The following RABEP1 variants were observed in gnomAD, a reference collection of about 807,000 sequenced individuals.
The protein encoded by RABEP1 is rab GTPase-binding effector protein 1.
Under a neutral mutation model 123.4 loss-of-function variants are expected in RABEP1, and 51 were observed. The observed-to-expected ratio is 0.41, with a 90% CI of 0.33 to 0.52. The LOEUF (loss-of-function observed/expected upper bound fraction) is 0.52, where lower values mean the gene tolerates loss of function less well. RABEP1 is among the 20% of genes least tolerant of loss of function. RABEP1 has a pLI of 0.16. For missense variants in RABEP1, 888 were observed against 996.3 expected (o/e 0.89, Z 1.46); for synonymous variants, 347 against 355.2 (o/e 0.98, Z 0.26).
At chr17:5,360,494 G>A (rs1321603545) in intron 8 of RABEP1, among the ~76,000 whole-genome samples, 6 of 152,226 alleles carry the variant, frequency 3.9e-5, no homozygotes, top group South Asian at 2.1e-4. Flanking sequence ...CCCGGGAGGC[G>A]GAGCTTGCAG....
At position 5,361,594 on chromosome 17, in the gene RABEP1, C is replaced by T. The variant is rs751839650; in HGVS notation, c.1482C>T (p.Thr494=). ...EETASLLSSV[T]QGMESAYVSP... ...CAGCGTCCCTCCTCTCCAGCGTTAC[C>T]CAGGGCATGGAGAGTGCCTATGTGT... The change falls in exon 9 of 18, where the codon ACC becomes ACT. Residue 494 remains threonine (T), a synonymous_variant. Transcript: ENST00000537505. The T allele has an allele frequency of 6.8e-6, 11 of 1,614,060 alleles. No homozygotes were observed. The highest frequency in any genetic ancestry group is 9.3e-6 in the Non-Finnish European group (11 of 1,180,034).
intron 2 of RABEP1, among the ~76,000 whole-genome samples, chr17:5,320,187 TA>T (rs1399566741): frequency 6.6e-6 from 1 of 152,002 alleles, no homozygotes; most frequent in Non-Finnish European, 1.5e-5. Flanking sequence ...ACAGACTTCT[TA>T]GTACAAACCA....
chr17:5,348,372 G>A (rs1407392659), intron 6 of RABEP1, among the ~76,000 whole-genome samples: 1 of 152,186 alleles, frequency 6.6e-6, no homozygotes, highest in Non-Finnish European at 1.5e-5. Context: ...TGGCATTCAA[G>A]GCCATTTGCA....
In RABEP1 at chr17:5,381,499, C is replaced by A. The variant is rs755344567; in HGVS notation, c.2481C>A (p.Thr827=). The change falls in exon 17 of 18, where the codon ACC becomes ACA. Residue 827 remains threonine, a synonymous_variant. Coordinates refer to ENST00000537505, the MANE Select transcript of RABEP1 (RefSeq NM_004703.6). ...GGGATTTTGTAAAGCTTTCACAGAC[C>A]CTTCAGGTGAGGCATTTGGGGAACC... ...VQRDFVKLSQ[T]LQVQLERIRQ... 1 of 1,612,346 alleles carries A rather than the reference C, an allele frequency of 6.2e-7. No individual in the cohort carries two copies. Among genetic ancestry groups the A allele is most frequent in the South Asian group, 1.1e-5 (1 of 90,678 alleles).
intron 1 of RABEP1, among the ~76,000 whole-genome samples, chr17:5,295,205 A>C (rs2075071200): frequency 6.6e-6 from 1 of 151,128 alleles, no homozygotes; most frequent in Non-Finnish European, 1.5e-5. Context: ...AACATGGTGA[A>C]ACCCCGTCTC....
At chr17:5,299,719 C>CTTTTCTTTTTTTTTTTTTTTTTTTTTT (rs2075116264) in intron 1 of RABEP1, among the ~76,000 whole-genome samples, 2 of 98,834 alleles carry the variant, frequency 2.0e-5, no homozygotes, top group East Asian at 5.2e-4. Flanking sequence ...TTTTTCTTTT[C>CTTTTCTTTTTTTTTTTTTTTTTTTTTT]TTTTTCTTTT....
rs201294745 is a variant in RABEP1 at position 5,361,191 on chromosome 17, G to T, written c.1096-17G>T. On this transcript the variant is annotated splice_polypyrimidine_tract_variant and intron_variant, in intron 8 of 17. Transcript: ENST00000537505. ...AGAGAATTGTCTAACTTGGCCATATGTATTTTCACATTTCAGGAGCATTTA... is the reference window on the plus strand; with the variant it reads ...AGAGAATTGTCTAACTTGGCCATATTTATTTTCACATTTCAGGAGCATTTA... 308 of 1,596,790 alleles carry T rather than the reference G, an allele frequency of 1.9e-4. No homozygotes were observed. In the East Asian group the frequency reaches 4.8e-3, roughly 25 times the overall value.
chr17:5,350,764 AAACAT>A, intron 7 of RABEP1, 135 bp downstream of exon 7: 1 of 949,028 alleles, frequency 1.1e-6, no homozygotes, highest in South Asian at 1.6e-5. Flanking sequence ...CCACTTTTAA[AAACAT>A]AACAGCTACA....
intron 7 of RABEP1, among the ~76,000 whole-genome samples, chr17:5,352,729 G>A (rs1908667324): frequency 6.6e-6 from 1 of 151,980 alleles, no homozygotes; most frequent in Non-Finnish European, 1.5e-5. Context: ...TACTTGGGAA[G>A]CTGAGGCAGG....
intron 1 of RABEP1, chr17:5,284,111 T>C (rs962959389): frequency 3.9e-5 from 6 of 152,196 alleles, no homozygotes; most frequent in African/African-American, 1.4e-4. Context: ...TTGAGTTGCA[T>C]GGAAAGAAAC....
chr17:5,282,315 G>T lies in RABEP1; in HGVS notation c.-172G>T. The T allele has an allele frequency of 2.3e-6, 1 of 444,194 alleles. No homozygotes were observed. The highest frequency in any genetic ancestry group is 3.8e-6 in the Non-Finnish European group (1 of 265,306). 27.5% of individuals were successfully genotyped at this position (444,194 alleles called of 1,614,324 possible). A position where few individuals can be genotyped will look rare whatever the true frequency, so the allele number is the denominator to read the frequency against. On this transcript the variant is annotated 5_prime_UTR_variant, in exon 1 of 18. Transcript: ENST00000537505. ...ATGAGGAGGCGGAGGTCGGCGGTCG[G>T]GTCCGTCTCTGCCCGCGGCTGTGGC...
intron 17 of RABEP1, among the ~76,000 whole-genome samples, chr17:5,382,613 A>G (rs1199423017): frequency 1.3e-5 from 2 of 151,920 alleles, no homozygotes; most frequent in South Asian, 2.1e-4. Context: ...TTAGCCGGGC[A>G]TGGTGGCGTG....
At chr17:5,295,082 AAAT>A (rs1425969375) in intron 1 of RABEP1, among the ~76,000 whole-genome samples, 1 of 152,072 alleles carries the variant, frequency 6.6e-6, no homozygotes, top group African/African-American at 2.4e-5. Flanking sequence ...ATGTATTATT[AAAT>A]AATGTTATTT....
intron 13 of RABEP1, 22 bp downstream of exon 13, chr17:5,373,476 C>A: frequency 2.5e-6 from 4 of 1,576,756 alleles, no homozygotes; most frequent in South Asian, 2.3e-5. Flanking sequence ...TCCACATGAT[C>A]AAAAATGTCA....
At chr17:5,311,708 A>C (rs931139195) in intron 2 of RABEP1, among the ~76,000 whole-genome samples, 1 of 151,140 alleles carries the variant, frequency 6.6e-6, no homozygotes, top group Non-Finnish European at 1.5e-5. Context: ...AAAAAAAAAA[A>C]AAAAAAAAAA....
chr17:5,381,115 C>T (rs1911412621), intron 16 of RABEP1, among the ~76,000 whole-genome samples: 2 of 152,118 alleles, frequency 1.3e-5, no homozygotes, highest in Non-Finnish European at 1.5e-5. Flanking sequence ...TGGTGATTAT[C>T]GTCACTGTCA....
In RABEP1 at chr17:5,386,213, T is replaced by A. The variant is rs368772300; in HGVS notation, c.*2990T>A. ...AGTCAGCTCCTGGTGGTGTCAGAAG[T>A]TTACATGATTGCGGATATCATTGAT... On this transcript the variant is annotated 3_prime_UTR_variant, in exon 18 of 18. Coordinates refer to ENST00000537505, the MANE Select transcript of RABEP1 (RefSeq NM_004703.6). The A allele has an allele frequency of 6.2e-7, 1 of 1,613,110 alleles. No homozygotes were observed. The highest frequency in any genetic ancestry group is 1.1e-5 in the South Asian group (1 of 90,894).
At chr17:5,349,934 C>T (rs554192215) in intron 6 of RABEP1, among the ~76,000 whole-genome samples, 6 of 152,276 alleles carry the variant, frequency 3.9e-5, no homozygotes, top group Admixed American at 3.9e-4. Flanking sequence ...GAACAGAAAT[C>T]TTTCTTTGCT....
chr17:5,386,090 C>T lies in RABEP1; in HGVS notation c.*2867C>T, dbSNP rs2144754445. On this transcript the variant is annotated 3_prime_UTR_variant, in exon 18 of 18. Transcript: ENST00000537505. ...AAACAACATATTTAAAAAGATGAAC[C>T]ACACCAAAGGTCATCAAAACACCTT... The T allele has an allele frequency of 2.9e-6, 2 of 685,394 alleles. No homozygotes were observed. The highest frequency in any genetic ancestry group is 2.5e-4 in the Middle Eastern group (1 of 3,944). 42.5% of individuals were successfully genotyped at this position (685,394 alleles called of 1,614,324 possible).
Sources: gnomAD v4.1 joint callset for allele counts (sites outside exome capture counted in the v4.1 genomes callset) on GRCh38, gnomAD v4.1.1 for gene constraint, MANE v1.5 for transcripts, NCBI Gene and HGNC (gene_info 2026-07-23, HGNC 2026-07-21) for gene names.